PLAT: variants seen among roughly 807,000 people sequenced by gnomAD.
PLAT encodes tissue-type plasminogen activator.
Under a neutral mutation model 74.9 loss-of-function variants are expected in PLAT, and 48 were observed. The observed-to-expected ratio is 0.64, with a 90% CI of 0.51 to 0.82. PLAT has a LOEUF of 0.82. PLAT is among the 40% of genes least tolerant of loss of function. The pLI is 0.00. For synonymous variants in PLAT, 307 were observed against 294.4 expected, an observed-to-expected ratio of 1.04 and a Z score of -0.44; for missense variants, 673 against 736.2, an observed-to-expected ratio of 0.91 and a Z score of 0.99.
chr8:42,201,947 C>T (rs556499897), intron 1 of PLAT, among the ~76,000 whole-genome samples: 24 of 152,326 alleles, frequency 1.6e-4, no homozygotes, highest in South Asian at 1.2e-3. Flanking sequence ...TAAAATACAA[C>T]GGGTTTCTCT....
intron 13 of PLAT, among the ~76,000 whole-genome samples, chr8:42,178,469 C>T (rs1220364118): frequency 6.6e-6 from 1 of 152,098 alleles, no homozygotes; most frequent in Non-Finnish European, 1.5e-5. Context: ...GGGGTTTCTC[C>T]ATGTTGGTCA....
chr8:42,176,485 G>T (rs2129680438), intron 13 of PLAT, among the ~76,000 whole-genome samples: 1 of 152,336 alleles, frequency 6.6e-6, no homozygotes, highest in Middle Eastern at 3.4e-3. Context: ...TCTGTCCAGG[G>T]CTGGTCCCGC....
At chr8:42,204,818 G>T (rs1806272481) in intron 1 of PLAT, among the ~76,000 whole-genome samples, 1 of 151,842 alleles carries the variant, frequency 6.6e-6, no homozygotes, top group African/African-American at 2.4e-5. Context: ...AGGAGTTCGA[G>T]ACCAGCCTGA....
chr8:42,192,118 C>T (rs1403142902), intron 2 of PLAT, among the ~76,000 whole-genome samples: 3 of 151,794 alleles, frequency 2.0e-5, no homozygotes, highest in Non-Finnish European at 4.4e-5. Context: ...ATCCTCCCGC[C>T]TCAGCCTCCT....
At chr8:42,177,946 G>A (rs562730414) in intron 13 of PLAT, among the ~76,000 whole-genome samples, 6 of 152,280 alleles carry the variant, frequency 3.9e-5, no homozygotes, top group African/African-American at 4.8e-5. Flanking sequence ...GGAGAGCTTC[G>A]CACGCTGCAG....
At chr8:42,181,884 A>G (rs376556183) in intron 9 of PLAT, 53 bp downstream of exon 9, 26 of 1,031,516 alleles carry the variant, frequency 2.5e-5, no homozygotes, top group Non-Finnish European at 4.0e-5. Flanking sequence ...TGGCGAGGAG[A>G]TGGTGAAGAA....
Position 42,187,908 on chromosome 8 carries a change from A to G in PLAT, c.362T>C (p.Ile121Thr). Residue 121 changes from isoleucine (I) to threonine (T), a missense_variant and splice_region_variant, in exon 5 of 14, where the codon ATA (isoleucine) becomes ACA (threonine). Coordinates refer to ENST00000220809, the MANE Select transcript of PLAT (RefSeq NM_000930.5). ...TTCACGTGCTCTCACCTACTCACCTATTTCACAGCACTTCCCAGCAAATCC... is the reference window on the plus strand; with the variant it reads ...TTCACGTGCTCTCACCTACTCACCTGTTTCACAGCACTTCCCAGCAAATCC... Reference protein sequence around the residue: ...PEGFAGKCCEIDTRATCYEDQ... With the variant: ...PEGFAGKCCETDTRATCYEDQ... 3 of 1,592,134 alleles carry G rather than the reference A, an allele frequency of 1.9e-6. No homozygotes were observed. Among genetic ancestry groups the G allele is most frequent in the Middle Eastern group, 1.7e-4 (1 of 6,016 alleles).
intron 2 of PLAT, 92 bp from the exon 3 acceptor site, chr8:42,191,506 C>G: frequency 9.0e-7 from 1 of 1,105,576 alleles, no homozygotes; most frequent in South Asian, 1.3e-5. Context: ...GTGAACCTGC[C>G]GGCCAGATAC....
At chr8:42,203,982 T>TACACAC (rs1383289981) in intron 1 of PLAT, among the ~76,000 whole-genome samples, 2 of 121,118 alleles carry the variant, frequency 1.7e-5, no homozygotes, top group African/African-American at 1.0e-4. Context: ...TATATATATA[T>TACACAC]ATATATATAT....
At position 42,175,820 on chromosome 8, in the gene PLAT, A is replaced by C. The variant is rs981148572; in HGVS notation, c.*173T>G. 27 of 606,880 alleles carry C rather than the reference A, an allele frequency of 4.4e-5. No homozygotes were observed. Among genetic ancestry groups the C allele is most frequent in the Non-Finnish European group, 2.9e-6 (1 of 345,742 alleles). The allele number at this position is 606,880 out of a possible 1,614,324, so 37.6% of individuals were successfully genotyped here. ...ATCAGACCAAGTCCTGAAAACTTCC[A>C]AAATGGGAAGTATCTGGGAAAATGC... On this transcript the variant is annotated 3_prime_UTR_variant, in exon 14 of 14. Transcript: ENST00000220809.
rs1805394719 is a variant in PLAT, at chr8:42,185,008, G to A, written c.631+73C>T. ...CCCTTTCTCCCCTCAGGTGCAGGAG[G>A]GCTATCGGCCTGTCCTCCTGGACTT... On this transcript the variant is annotated intron_variant, in intron 7 of 13. Coordinates refer to ENST00000220809, the MANE Select transcript of PLAT (RefSeq NM_000930.5). 11 of 959,544 alleles carry A rather than the reference G, an allele frequency of 1.1e-5. No homozygotes were observed. In the East Asian group the frequency reaches 1.5e-4, roughly 13 times the overall value. The allele number at this position is 959,544 out of a possible 1,614,324, so 59.4% of individuals were successfully genotyped here. A position where few individuals can be genotyped will look rare whatever the true frequency, so the allele number is the denominator to read the frequency against.
chr8:42,176,244 A>G, intron 13 of PLAT, 93 bp from the exon 14 acceptor site: 1 of 862,158 alleles, frequency 1.2e-6, no homozygotes, highest in East Asian at 2.7e-5. Flanking sequence ...AATCTTCAAA[A>G]TACAGCAGGC....
At chr8:42,182,400 G>A (rs1805285232) in intron 8 of PLAT, 1 of 108,030 alleles carries the variant, frequency 9.3e-6, no homozygotes, top group Non-Finnish European at 1.9e-5. Flanking sequence ...ATCTCATAGG[G>A]TTGTCAGACA....
chr8:42,176,474 G>A (rs953855392), intron 13 of PLAT, among the ~76,000 whole-genome samples: 3 of 152,206 alleles, frequency 2.0e-5, no homozygotes, highest in African/African-American at 7.2e-5. Context: ...GGATGGTGGC[G>A]TCTGTCCAGG....
In PLAT at chr8:42,184,433, C is replaced by T. The variant is rs142577661; in HGVS notation, c.631+648G>A. On this transcript the variant is annotated intron_variant, in intron 7 of 13. Transcript: ENST00000220809. Reference sequence around the variant, plus strand: ...GGAGTGCAGTGGCATGATCTCGGCTCACTGCAACCTCCATCTCCCAGGTTC... The same window carrying T: ...GGAGTGCAGTGGCATGATCTCGGCTTACTGCAACCTCCATCTCCCAGGTTC... Among the ~76,000 whole-genome samples, 109 of 152,136 alleles carry T rather than the reference C, an allele frequency of 7.2e-4. 1 individual carries two copies. In the East Asian group the frequency reaches 0.02, roughly 28 times the overall value.
Position 42,174,963 on chromosome 8 carries a change from A to G in PLAT, c.*1030T>C, listed in dbSNP as rs371346236. 1.3e-4 allele frequency among the ~76,000 whole-genome samples: 19 copies of G among 151,972 alleles called. No homozygotes were observed. The highest frequency in any genetic ancestry group is 4.3e-4 in the African/African-American group (18 of 41,430). On this transcript the variant is annotated 3_prime_UTR_variant, in exon 14 of 14. Transcript: ENST00000220809. ...TCTATTTTTTCCTTAAGATTCCCCA[A>G]TCCCTCTTGCAACTGAATTCTACTA... is the stretch of plus-strand genomic sequence containing the variant.
At chr8:42,180,779 A>G in intron 9 of PLAT, 94 bp from the exon 10 acceptor site, 2 of 825,636 alleles carry the variant, frequency 2.4e-6, no homozygotes, top group Non-Finnish European at 1.9e-6. Flanking sequence ...CTGTAAAACC[A>G]CAACTTTCAC....
intron 11 of PLAT, 39 bp from the exon 12 acceptor site, chr8:42,180,105 C>A: frequency 6.3e-7 from 1 of 1,592,122 alleles, no homozygotes; most frequent in Non-Finnish European, 8.6e-7. Context: ...GCGTGAGGGC[C>A]GCGTCCCCGG....
chr8:42,198,949 A>G (rs1225145664), intron 1 of PLAT, among the ~76,000 whole-genome samples: 2 of 152,230 alleles, frequency 1.3e-5, no homozygotes, highest in Admixed American at 6.5e-5. Flanking sequence ...TCCTTGGACC[A>G]GCAAAGGCAC....
Sources: allele counts gnomAD v4.1 joint callset (sites outside exome capture counted in the v4.1 genomes callset), GRCh38; gene constraint gnomAD v4.1.1; transcripts MANE v1.5; gene names NCBI Gene and HGNC (gene_info 2026-07-23, HGNC 2026-07-21).